PTPRJ: variants seen among roughly 807,000 people sequenced by gnomAD.
The protein encoded by PTPRJ is protein tyrosine phosphatase receptor type J.
A neutral mutation model predicts 141.3 loss-of-function variants in PTPRJ; 129 were observed. The observed-to-expected ratio is 0.91, with a 90% CI of 0.79 to 1.06. The LOEUF is 1.06. PTPRJ is among the 50% of genes least tolerant of loss of function. The pLI is 0.00. For synonymous variants in PTPRJ, 610 were observed against 640.5 expected, an observed-to-expected ratio of 0.95 and a Z score of 0.72; for missense variants, 1,601 against 1,679.7, an observed-to-expected ratio of 0.95 and a Z score of 0.82.
At chr11:48,052,865 C>A (rs889333842) in intron 1 of PTPRJ, among the ~76,000 whole-genome samples, 1 of 151,722 alleles carries the variant, frequency 6.6e-6, no homozygotes, top group South Asian at 2.1e-4. Flanking sequence ...CAGCTGTGCC[C>A]TCTCCACCAC....
intron 3 of PTPRJ, among the ~76,000 whole-genome samples, chr11:48,119,193 C>T (rs1213734245): frequency 6.6e-6 from 1 of 152,064 alleles, no homozygotes; most frequent in Admixed American, 6.5e-5. Context: ...TCATCATCCT[C>T]GTCACCATCA....
chr11:48,135,023 CT>C (rs1857058227), intron 8 of PTPRJ, among the ~76,000 whole-genome samples: 1 of 152,142 alleles, frequency 6.6e-6, no homozygotes, highest in African/African-American at 2.4e-5. Context: ...AAAAAAACCT[CT>C]TTATTGAGAT....
chr11:48,160,557 T>C (rs1039482), intron 22 of PTPRJ, among the ~76,000 whole-genome samples: 149,581 of 152,290 alleles, frequency 0.98, 73,523 homozygotes, highest in Middle Eastern at 1. Flanking sequence ...GTTTATGTGC[T>C]TTTTTTCTTT....
At chr11:48,128,336 C>A (rs1159633171) in intron 7 of PTPRJ, among the ~76,000 whole-genome samples, 1 of 152,148 alleles carries the variant, frequency 6.6e-6, no homozygotes, top group Admixed American at 6.5e-5. Flanking sequence ...CACCTGGAGC[C>A]TGCGCTTGTA....
intron 8 of PTPRJ, chr11:48,131,377 C>T (rs997804631): frequency 1.4e-4 from 90 of 622,428 alleles, no homozygotes; most frequent in Non-Finnish European, 2.6e-4. Context: ...GCCACTGCAC[C>T]CAGCCCACAA....
chr11:48,019,450 C>A (rs1409962027), intron 1 of PTPRJ, among the ~76,000 whole-genome samples: 1 of 151,780 alleles, frequency 6.6e-6, no homozygotes, highest in East Asian at 1.9e-4. Flanking sequence ...AGGAAGGGGC[C>A]CTAGTCCCTG....
In PTPRJ at chr11:48,003,357, A is replaced by G. The variant is rs200402778; in HGVS notation, c.96+22349A>G. Among the ~76,000 whole-genome samples, 15 of 152,334 alleles carry G rather than the reference A, an allele frequency of 9.8e-5. 1 individual carries two copies. The East Asian group carries it at 2.9e-3, about 29-fold the overall frequency. On this transcript the variant is annotated intron_variant, in intron 1 of 24. Coordinates refer to ENST00000418331, the MANE Select transcript of PTPRJ (RefSeq NM_002843.4). ...AATTTCCAGATATCTTTCTGGTATT[A>G]GACACATACCACTTGCCTAATAACG...
chr11:48,047,873 T>C (rs1232892508), intron 1 of PTPRJ, among the ~76,000 whole-genome samples: 2 of 152,176 alleles, frequency 1.3e-5, no homozygotes. Flanking sequence ...CGGGTGGTTC[T>C]GTTTGGAAAC....
In PTPRJ at chr11:47,999,316, A is replaced by G. The variant is rs1854429858; in HGVS notation, c.96+18308A>G. On this transcript the variant is annotated intron_variant, in intron 1 of 24. Transcript: ENST00000418331. ...TTGCTTGCTTACTGGACGATCACCC[A>G]AGTCATTAAACCACAAAAATCTCTT... 1.3e-5 allele frequency among the ~76,000 whole-genome samples: 2 copies of G among 152,226 alleles called. 1 individual carries two copies. The highest frequency in any genetic ancestry group is 4.1e-4 in the South Asian group (2 of 4,832).
chr11:48,136,665 T>A (rs897125841), intron 9 of PTPRJ, among the ~76,000 whole-genome samples: 4 of 152,244 alleles, frequency 2.6e-5, no homozygotes, highest in African/African-American at 9.6e-5. Flanking sequence ...AATATTTGAA[T>A]TAAATACATG....
At chr11:48,022,573 A>G (rs930346173) in intron 1 of PTPRJ, among the ~76,000 whole-genome samples, 1 of 151,694 alleles carries the variant, frequency 6.6e-6, no homozygotes, top group Non-Finnish European at 1.5e-5. Flanking sequence ...CTAACACTGT[A>G]TGTCCTTGGG....
chr11:48,094,087 G>A (rs773751702), intron 1 of PTPRJ, among the ~76,000 whole-genome samples: 8 of 152,230 alleles, frequency 5.3e-5, no homozygotes, highest in Non-Finnish European at 8.8e-5. Context: ...GCTGTTAATA[G>A]CATTTACTCT....
intron 1 of PTPRJ, among the ~76,000 whole-genome samples, chr11:48,037,701 T>C (rs760161005): frequency 6.6e-6 from 1 of 152,118 alleles, no homozygotes; most frequent in Non-Finnish European, 1.5e-5. Flanking sequence ...TAATCCCAGC[T>C]ACTCAGGAGG....
intron 3 of PTPRJ, among the ~76,000 whole-genome samples, chr11:48,116,225 A>G (rs1043668297): frequency 1.3e-5 from 2 of 152,220 alleles, no homozygotes; most frequent in Non-Finnish European, 2.9e-5. Flanking sequence ...AAGGGATGGA[A>G]AAAGATACTC....
chr11:48,159,123 G>GGGTGTATGTGTC (rs1555058316), intron 21 of PTPRJ, among the ~76,000 whole-genome samples: 1 of 139,468 alleles, frequency 7.2e-6, no homozygotes, highest in Admixed American at 7.1e-5. Flanking sequence ...TGTATGTGGG[G>GGGTGTATGTGTC]TGTGTGTGTG....
At chr11:48,041,366 G>A (rs1007159537) in intron 1 of PTPRJ, among the ~76,000 whole-genome samples, 2 of 152,304 alleles carry the variant, frequency 1.3e-5, no homozygotes. Context: ...ACTCATTGAA[G>A]GCCTACTGTG....
chr11:48,144,904 T>C lies in PTPRJ; in HGVS notation c.2786+19T>C. 1 of 1,613,994 alleles carries C rather than the reference T, an allele frequency of 6.2e-7. No individual in the cohort carries two copies. On this transcript the variant is annotated intron_variant, in intron 13 of 24. Coordinates refer to ENST00000418331, the MANE Select transcript of PTPRJ (RefSeq NM_002843.4). Reference sequence around the variant, plus strand: ...CCTACCGGTAATGTCTTCTGGTTCTTACTCTTTGGGGGCTGAGCCTCATGA... The same window carrying C: ...CCTACCGGTAATGTCTTCTGGTTCTCACTCTTTGGGGGCTGAGCCTCATGA...
chr11:48,005,636 TTG>T (rs1303782967), intron 1 of PTPRJ, among the ~76,000 whole-genome samples: 1 of 152,196 alleles, frequency 6.6e-6, no homozygotes, highest in Non-Finnish European at 1.5e-5. Context: ...TTTTTGGCTA[TTG>T]TGAGTGACAC....
chr11:48,139,380 C>T, intron 10 of PTPRJ, 106 bp from the exon 11 acceptor site: 3 of 1,256,352 alleles, frequency 2.4e-6, no homozygotes, highest in East Asian at 2.5e-5. Context: ...TCTTCCACCA[C>T]ATCACCCACC....
Sources: gnomAD v4.1 joint callset for allele counts (sites outside exome capture counted in the v4.1 genomes callset) on GRCh38, gnomAD v4.1.1 for gene constraint, MANE v1.5 for transcripts, NCBI Gene and HGNC (gene_info 2026-07-23, HGNC 2026-07-21) for gene names.